VAT1L: variants seen among roughly 807,000 people sequenced by gnomAD.
VAT1L encodes vesicle amine transport 1 like.
VAT1L carries 34 observed loss-of-function variants against 44.1 expected under a neutral mutation model. The ratio of observed to expected loss-of-function variants is 0.77; its 90% confidence interval spans 0.59 to 1.03. The LOEUF (loss-of-function observed/expected upper bound fraction) is 1.03. Among genes scored for constraint, VAT1L ranks in the 50% least tolerant of loss-of-function variants. VAT1L has a pLI of 0.00. For missense variants in VAT1L, 615 were observed against 538.8 expected, an observed-to-expected ratio of 1.14 and a Z score of -1.40; for synonymous variants, 253 against 202.2, an observed-to-expected ratio of 1.25 and a Z score of -2.13.
intron 4 of VAT1L, among the ~76,000 whole-genome samples, chr16:77,863,300 G>C (rs112424023): frequency 6.6e-6 from 1 of 152,186 alleles, no homozygotes; most frequent in African/African-American, 2.4e-5. Context: ...TTTGCTTCTA[G>C]CCAACAGATG....
At chr16:77,913,715 G>A (rs2017522327) in intron 7 of VAT1L, among the ~76,000 whole-genome samples, 1 of 152,184 alleles carries the variant, frequency 6.6e-6, no homozygotes, top group South Asian at 2.1e-4. Flanking sequence ...GAGGGGGACA[G>A]TCTATGCATA....
intron 6 of VAT1L, among the ~76,000 whole-genome samples, chr16:77,883,556 C>T (rs2017177492): frequency 6.6e-6 from 1 of 152,174 alleles, no homozygotes; most frequent in Non-Finnish European, 1.5e-5. Flanking sequence ...GTCCTGAGCA[C>T]TGTGGGATGT....
chr16:77,963,912 C>T (rs370497020), intron 7 of VAT1L, among the ~76,000 whole-genome samples: 53 of 152,288 alleles, frequency 3.5e-4, no homozygotes, highest in South Asian at 1.2e-3. Flanking sequence ...TACGTGAAGA[C>T]CTTCAGAACA....
intron 7 of VAT1L, among the ~76,000 whole-genome samples, chr16:77,935,630 A>G (rs922863459): frequency 1.0e-4 from 15 of 149,322 alleles, no homozygotes; most frequent in African/African-American, 2.9e-4. Context: ...GAGTGGGGGG[A>G]AGAGAGAGAG....
rs74462789 is a variant in VAT1L at position 77,880,819 on chromosome 16, C to A, written c.882+1595C>A. ...TCCCATATTTATGTCCATGAGTACCCAGCTCCCACTTAGGAGAGAACATGC... is the reference window on the plus strand; with the variant it reads ...TCCCATATTTATGTCCATGAGTACCAAGCTCCCACTTAGGAGAGAACATGC... On this transcript the variant is annotated intron_variant, in intron 6 of 8. Transcript: ENST00000302536. Among the ~76,000 whole-genome samples the A allele has an allele frequency of 8.3e-3, 1,257 of 151,986 alleles. 17 individuals carry two copies. The highest frequency in any genetic ancestry group is 0.029 in the African/African-American group (1,202 of 41,424).
rs746719665 is a variant in VAT1L, at chr16:77,876,440, C to G, written c.793C>G (p.Leu265Val). ...CGDNTGKGLSLLKPLGTYILY... is the reference protein window; with the variant it reads ...CGDNTGKGLSVLKPLGTYILY... ...GGACAACACTGGAAAAGGTCTCAGT[C>G]TTCTCAAACCCCTGGGAACCTACAT... Residue 265 changes from leucine (L) to valine (V), a missense_variant, in exon 5 of 9, where the codon CTT (leucine) becomes GTT (valine). By Grantham distance (32) the Leu-to-Val change is conservative. Coordinates refer to ENST00000302536, the MANE Select transcript of VAT1L (RefSeq NM_020927.3). The G allele has an allele frequency of 1.9e-6, 3 of 1,614,184 alleles. No individual in the cohort carries two copies. The highest frequency in any genetic ancestry group is 1.1e-5 in the South Asian group (1 of 91,080).
At chr16:77,974,739 T>A (rs897625347) in intron 8 of VAT1L, among the ~76,000 whole-genome samples, 5 of 152,044 alleles carry the variant, frequency 3.3e-5, no homozygotes, top group Admixed American at 6.6e-5. Context: ...ATTTTTTTTT[T>A]ATTATTTTTA....
At chr16:77,824,381 C>G (rs1039745635) in intron 2 of VAT1L, among the ~76,000 whole-genome samples, 1 of 152,176 alleles carries the variant, frequency 6.6e-6, no homozygotes, top group Admixed American at 6.5e-5. Context: ...TTCATTAAAT[C>G]AGTTGTATTA....
chr16:77,939,370 A>C (rs2017847463), intron 7 of VAT1L, among the ~76,000 whole-genome samples: 1 of 152,190 alleles, frequency 6.6e-6, no homozygotes, highest in African/African-American at 2.4e-5. Context: ...ATCATAGCTC[A>C]AACCAGTGGG....
rs151215957 is a variant in VAT1L, at chr16:77,836,439, G to A, written c.579+10978G>A. The stretch of plus-strand genomic sequence containing the variant: ...CATGTCTTTCATGAATAATCAAAGC[G>A]ATGAGGATTAACTGCATCTGCACAT... On this transcript the variant is annotated intron_variant, in intron 3 of 8. Coordinates refer to ENST00000302536, the MANE Select transcript of VAT1L (RefSeq NM_020927.3). Among the ~76,000 whole-genome samples, 6 of 152,286 alleles carry A rather than the reference G, an allele frequency of 3.9e-5. 1 individual carries two copies. Among genetic ancestry groups the A allele is most frequent in the African/African-American group, 1.2e-4 (5 of 41,562 alleles).
intron 7 of VAT1L, among the ~76,000 whole-genome samples, chr16:77,947,597 T>A (rs1411017054): frequency 1.3e-5 from 2 of 152,036 alleles, no homozygotes; most frequent in Non-Finnish European, 2.9e-5. Flanking sequence ...CCTGCTCACA[T>A]AAGAGGGGCC....
chr16:77,813,208 C>G (rs1771583615), intron 1 of VAT1L, among the ~76,000 whole-genome samples: 1 of 151,962 alleles, frequency 6.6e-6, no homozygotes, highest in Non-Finnish European at 1.5e-5. Flanking sequence ...AAGGATTAGA[C>G]TCAAGTTTTT....
chr16:77,873,518 A>G (rs1169232635), intron 4 of VAT1L, among the ~76,000 whole-genome samples: 2 of 152,138 alleles, frequency 1.3e-5, no homozygotes, highest in Admixed American at 6.5e-5. Flanking sequence ...GTCAATCACT[A>G]TTTCTTGAGA....
intron 7 of VAT1L, among the ~76,000 whole-genome samples, chr16:77,941,146 AAT>A (rs1237900856): frequency 1.3e-5 from 2 of 152,218 alleles, no homozygotes; most frequent in Admixed American, 6.5e-5. Context: ...TATGTCAGTT[AAT>A]ATGTTTCTTG....
At chr16:77,906,033 A>C (rs2142480407) in intron 7 of VAT1L, among the ~76,000 whole-genome samples, 1 of 152,294 alleles carries the variant, frequency 6.6e-6, no homozygotes, top group South Asian at 2.1e-4. Flanking sequence ...CTTGGCTCAC[A>C]TCAGGAACTC....
rs2017545016 is a variant in VAT1L at position 77,915,706 on chromosome 16, A to C, written c.1077+30904A>C. 1.3e-5 allele frequency among the ~76,000 whole-genome samples: 2 copies of C among 152,226 alleles called. 1 individual carries two copies. Among genetic ancestry groups the C allele is most frequent in the South Asian group, 4.1e-4 (2 of 4,832 alleles). On this transcript the variant is annotated intron_variant, in intron 7 of 8. Coordinates refer to ENST00000302536, the MANE Select transcript of VAT1L (RefSeq NM_020927.3). ...TGCAAGACCAAGCCTGTGGGAATGA[A>C]TGAACCAATGGAGAACTAATGGCAA...
At chr16:77,791,248 T>C (rs1335997988) in intron 1 of VAT1L, among the ~76,000 whole-genome samples, 1 of 152,232 alleles carries the variant, frequency 6.6e-6, no homozygotes, top group Non-Finnish European at 1.5e-5. Flanking sequence ...GATGGCTTCC[T>C]GGATGATGGT....
intron 7 of VAT1L, among the ~76,000 whole-genome samples, chr16:77,905,173 C>T (rs1177643444): frequency 6.6e-6 from 1 of 152,064 alleles, no homozygotes; most frequent in Non-Finnish European, 1.5e-5. Context: ...TTGTTGGCAA[C>T]CTGTAAAGAA....
chr16:77,846,883 A>T (rs1033657128), intron 3 of VAT1L, among the ~76,000 whole-genome samples: 5 of 152,228 alleles, frequency 3.3e-5, no homozygotes, highest in African/African-American at 9.6e-5. Flanking sequence ...GGATAAAAAA[A>T]ATTATTGATA....
Sources: allele counts gnomAD v4.1 joint callset (sites outside exome capture counted in the v4.1 genomes callset), GRCh38; gene constraint gnomAD v4.1.1; transcripts MANE v1.5; gene names NCBI Gene and HGNC (gene_info 2026-07-23, HGNC 2026-07-21).